Variants in CALN1 observed in about 807,000 individuals in gnomAD.
CALN1 encodes the protein calcium-binding protein 8.
A neutral mutation model predicts 30.6 loss-of-function variants in CALN1; 17 were observed. That is an observed-to-expected ratio of 0.56 (90% CI 0.38 to 0.83). The LOEUF (loss-of-function observed/expected upper bound fraction) is 0.83, where lower values mean the gene tolerates loss of function less well. Ranked by LOEUF, CALN1 falls within the 40% of genes least tolerant of loss-of-function variation. The probability of loss-of-function intolerance (pLI) is 0.00; values close to 1 mark genes in which losing one functional copy is unlikely to be tolerated. For missense variants in CALN1, 291 were observed against 354.9 expected (o/e 0.82, Z 1.45); for synonymous variants, 156 against 131.4 (o/e 1.19, Z -1.28).
chr7:72,273,563 A>G (rs1332835343), intron 3 of CALN1, among the ~76,000 whole-genome samples: 1 of 148,888 alleles, frequency 6.7e-6, no homozygotes, highest in African/African-American at 2.5e-5. Flanking sequence ...CCAAGGCTCA[A>G]GTGCAAGTGC....
At chr7:72,162,809 G>A (rs1436511775) in intron 3 of CALN1, among the ~76,000 whole-genome samples, 2 of 152,184 alleles carry the variant, frequency 1.3e-5, no homozygotes, top group African/African-American at 4.8e-5. Flanking sequence ...ATACTCCTCT[G>A]TCAGTATGAG....
intron 2 of CALN1, among the ~76,000 whole-genome samples, chr7:72,315,878 G>A (rs747202960): frequency 2.6e-5 from 4 of 152,066 alleles, no homozygotes; most frequent in Admixed American, 1.3e-4. Flanking sequence ...GGCCGGGCGC[G>A]AATCATGCCT....
At chr7:72,022,056 C>T (rs537852440) in intron 5 of CALN1, among the ~76,000 whole-genome samples, 1 of 152,308 alleles carries the variant, frequency 6.6e-6, no homozygotes, top group Admixed American at 6.5e-5. Flanking sequence ...ATGACTTCCC[C>T]ATGCCAACCC....
intron 5 of CALN1, among the ~76,000 whole-genome samples, chr7:71,939,403 C>CAAAAAAAAAAAAAAAAAAAA (rs56368426): frequency 9.5e-6 from 1 of 105,476 alleles, no homozygotes. Context: ...ACTAAAAATA[C>CAAAAAAAAAAAAAAAAAAAA]AAAAAAAAAA....
intron 5 of CALN1, among the ~76,000 whole-genome samples, chr7:71,827,775 A>AAAATAAATAAATAAATAAAT (rs10646245): frequency 3.6e-5 from 5 of 140,282 alleles, no homozygotes; most frequent in African/African-American, 1.4e-4. Context: ...CCATCTTAAA[A>AAAATAAATAAATAAATAAAT]AAATAAATAA....
the CALN1 span, among the ~76,000 whole-genome samples, chr7:72,487,415 G>A: frequency 2.0e-5 from 3 of 152,018 alleles, no homozygotes; most frequent in African/African-American, 7.3e-5. Flanking sequence ...GCCAGGTGCG[G>A]TGGCTCATGC....
chr7:72,343,823 G>T (rs931975357), intron 2 of CALN1, among the ~76,000 whole-genome samples: 9 of 152,150 alleles, frequency 5.9e-5, no homozygotes, highest in African/African-American at 2.2e-4. Flanking sequence ...TCATTGTGGT[G>T]TCTCCAGGCG....
chr7:72,304,204 G>A (rs997155382), intron 2 of CALN1, among the ~76,000 whole-genome samples: 2 of 152,236 alleles, frequency 1.3e-5, no homozygotes, highest in African/African-American at 4.8e-5. Context: ...AAGCAATAAA[G>A]CTATTCAATT....
intron 5 of CALN1, among the ~76,000 whole-genome samples, chr7:71,850,644 G>A (rs1337293317): frequency 6.6e-6 from 1 of 152,168 alleles, no homozygotes; most frequent in Admixed American, 6.5e-5. Context: ...ATTCTGGAGG[G>A]ATCTATACTA....
chr7:71,851,670 G>T (rs1790655468), intron 5 of CALN1, among the ~76,000 whole-genome samples: 1 of 152,088 alleles, frequency 6.6e-6, no homozygotes, highest in Non-Finnish European at 1.5e-5. Context: ...GGTGGAATAG[G>T]AGGGAAACAG....
chr7:71,834,985 C>T (rs1400696548), intron 5 of CALN1, among the ~76,000 whole-genome samples: 2 of 152,132 alleles, frequency 1.3e-5, no homozygotes, highest in African/African-American at 2.4e-5. Context: ...GTGCACATCA[C>T]CATGCCCAGG....
the CALN1 span, among the ~76,000 whole-genome samples, chr7:72,494,695 CAAA>C: frequency 1.8e-4 from 25 of 140,474 alleles, no homozygotes; most frequent in African/African-American, 5.2e-4. Context: ...CCCATCTCTA[CAAA>C]AAAAAAAAAA....
At chr7:71,851,563 T>C (rs887116047) in intron 5 of CALN1, among the ~76,000 whole-genome samples, 3 of 151,630 alleles carry the variant, frequency 2.0e-5, no homozygotes, top group African/African-American at 4.8e-5. Flanking sequence ...TATGAATATA[T>C]ACACACACAT....
chr7:71,941,808 C>T (rs1301974265), intron 5 of CALN1, among the ~76,000 whole-genome samples: 2 of 152,166 alleles, frequency 1.3e-5, no homozygotes, highest in African/African-American at 4.8e-5. Flanking sequence ...GAGAAATTCA[C>T]ACAGGTATGT....
At chr7:72,357,767 A>C (rs953147491) in intron 2 of CALN1, among the ~76,000 whole-genome samples, 3 of 150,732 alleles carry the variant, frequency 2.0e-5, no homozygotes, top group Admixed American at 6.6e-5. Context: ...ACATGTTTAT[A>C]GGAATTCTGA....
intron 2 of CALN1, among the ~76,000 whole-genome samples, chr7:72,395,349 GCA>G (rs1444225430): frequency 3.0e-5 from 3 of 99,192 alleles, no homozygotes; most frequent in Admixed American, 1.9e-4. Context: ...CACACGCTGC[GCA>G]CGCGCGCGCA....
chr7:71,965,727 T>C (rs1797499319), intron 5 of CALN1, among the ~76,000 whole-genome samples: 3 of 152,206 alleles, frequency 2.0e-5, no homozygotes, highest in South Asian at 2.1e-4. Flanking sequence ...AGTTCAAAGT[T>C]AGGCATATGG....
At chr7:72,125,365 T>A (rs1808673867) in intron 3 of CALN1, among the ~76,000 whole-genome samples, 1 of 152,154 alleles carries the variant, frequency 6.6e-6, no homozygotes, top group African/African-American at 2.4e-5. Context: ...TACTTGCTGA[T>A]TGTCTCCTAT....
intron 1 of CALN1, among the ~76,000 whole-genome samples, chr7:72,429,556 T>C (rs1807905988): frequency 6.6e-6 from 1 of 152,120 alleles, no homozygotes; most frequent in Admixed American, 6.6e-5. Flanking sequence ...TGTAGACAAG[T>C]GGCTTTGATC....
Sources: gnomAD v4.1 joint callset for allele counts (sites outside exome capture counted in the v4.1 genomes callset) on GRCh38, gnomAD v4.1.1 for gene constraint, MANE v1.5 for transcripts, NCBI Gene and HGNC (gene_info 2026-07-23, HGNC 2026-07-21) for gene names.